The following AGAP1 variants were observed in gnomAD, a reference collection of about 807,000 sequenced individuals.
The protein encoded by AGAP1 is ArfGAP with GTPase domain, ankyrin repeat and PH domain 1, also known as arf-GAP with GTPase, ANK repeat and PH domain-containing protein 1.
Under a neutral mutation model 105.3 loss-of-function variants are expected in AGAP1, and 29 were observed. That is an observed-to-expected ratio of 0.28 (90% CI 0.21 to 0.38). The LOEUF (loss-of-function observed/expected upper bound fraction) is 0.38. Among genes scored for constraint, AGAP1 ranks in the 10% least tolerant of loss-of-function variants. The probability of loss-of-function intolerance (pLI) is 1.00; values close to 1 mark genes in which losing one functional copy is unlikely to be tolerated. For synonymous variants in AGAP1, 509 were observed against 485.9 expected (o/e 1.05, Z -0.63); for missense variants, 998 against 1,165.1 (o/e 0.86, Z 2.09).
At position 235,720,459 on chromosome 2, in the gene AGAP1, AC is replaced by A. The variant is rs1951324565; in HGVS notation, c.310+2816del. Among the ~76,000 whole-genome samples, 2 of 151,606 alleles carry A rather than the reference AC, an allele frequency of 1.3e-5. No homozygotes were observed. Among genetic ancestry groups the A allele is most frequent in the Non-Finnish European group, 2.9e-5 (2 of 67,906 alleles). ...TACTTACCCACACAAAGGTGAGGGC[AC>A]TCCCACAGTGGTGGGAGTGGTTGGC... On this transcript the variant is annotated intron_variant, in intron 3 of 17. Transcript: ENST00000304032. The surrounding 1 kb of genome is among the most constrained non-coding windows in gnomAD (Gnocchi z 5.0).
At chr2:235,835,609 GAGGAGGACA>G (rs776488349) in intron 9 of AGAP1, among the ~76,000 whole-genome samples, 34 of 152,262 alleles carry the variant, frequency 2.2e-4, no homozygotes, top group South Asian at 2.1e-4. Context: ...AAGCTTTTCC[GAGGAGGACA>G]AGGGGTTCAT....
At position 235,967,433 on chromosome 2, in the gene AGAP1, G is replaced by A. The variant is rs73118048; in HGVS notation, c.1484-1029G>A. On this transcript the variant is annotated intron_variant, in intron 12 of 17. Coordinates refer to ENST00000304032, the MANE Select transcript of AGAP1 (RefSeq NM_001037131.3). The surrounding 1 kb of genome is among the most constrained non-coding windows in gnomAD (Gnocchi z 4.7). ...TCTGATGGACTCCAGGTTCTGGCCC[G>A]GCTGCCATGTCACTGCCACTCCACT... 0.058 allele frequency among the ~76,000 whole-genome samples: 8,877 copies of A among 152,132 alleles called. 845 individuals are homozygous for A. The highest frequency in any genetic ancestry group is 0.2 in the African/African-American group (8,398 of 41,430).
chr2:236,131,382 A>G lies in AGAP1; in HGVS notation c.*7260A>G, dbSNP rs142248227. On this transcript the variant is annotated 3_prime_UTR_variant, in exon 18 of 18. Transcript: ENST00000304032. The surrounding 1 kb of genome is among the most constrained non-coding windows in gnomAD (Gnocchi z 5.9). ...TGACAACTGAGATGCATTTCTAGGC[A>G]GGGGCAGGGAAGGCCAACCCACCTT... The G allele has an allele frequency of 7.2e-5, 11 of 152,352 alleles. No individual in the cohort carries two copies. In the East Asian group the frequency reaches 2.1e-3, roughly 29 times the overall value. 9.4% of individuals were successfully genotyped at this position (152,352 alleles called of 1,614,324 possible).
At chr2:236,019,392 A>T (rs2056814010) in intron 13 of AGAP1, among the ~76,000 whole-genome samples, 1 of 152,160 alleles carries the variant, frequency 6.6e-6, no homozygotes, top group South Asian at 2.1e-4. Context: ...TGGAGAGCAG[A>T]ACTACATTTG....
Position 235,714,812 on chromosome 2 carries a change from G to C in AGAP1, c.223-2745G>C, listed in dbSNP as rs2149533993. Among the ~76,000 whole-genome samples the C allele has an allele frequency of 6.6e-6, 1 of 152,060 alleles. No homozygotes were observed. Among genetic ancestry groups the C allele is most frequent in the East Asian group, 1.9e-4 (1 of 5,158 alleles). On this transcript the variant is annotated intron_variant, in intron 2 of 17. Transcript: ENST00000304032. This position sits in a 1 kb window ranked among gnomAD's most constrained non-coding sequence, Gnocchi z 4.1. ...TCTTTTTTGTTGTTGTTTTTGTTTT[G>C]TTTTGAGACAGAGTCTCGCTCTGTC...
chr2:235,541,376 CTTTTTTTTTTTTTTT>C (rs556785424), intron 1 of AGAP1, among the ~76,000 whole-genome samples: 15 of 91,110 alleles, frequency 1.6e-4, no homozygotes, highest in East Asian at 6.3e-4. Flanking sequence ...CATTCTTATT[CTTTTTTTTTTTTTTT>C]TTTTTTTTTT....
intron 6 of AGAP1, among the ~76,000 whole-genome samples, chr2:235,770,075 TC>T (rs1955300744): frequency 6.6e-6 from 1 of 151,952 alleles, no homozygotes; most frequent in African/African-American, 2.4e-5. Flanking sequence ...TCACCTATAA[TC>T]CCACCTCCTA....
At chr2:235,836,006 A>G (rs936974975) in intron 9 of AGAP1, among the ~76,000 whole-genome samples, 2 of 152,236 alleles carry the variant, frequency 1.3e-5, no homozygotes, top group African/African-American at 4.8e-5. Context: ...CATTGTTTAC[A>G]GAACCTGTTC....
In AGAP1 at chr2:235,983,243, C is replaced by G. The variant is rs1457913732; in HGVS notation, c.1645+14620C>G. ...GTCTCTTTACAGGTGTGCAAAGGAC[C>G]AGCGCTGCTGCAGGGAACATGGCTG... On this transcript the variant is annotated intron_variant, in intron 13 of 17. Coordinates refer to ENST00000304032, the MANE Select transcript of AGAP1 (RefSeq NM_001037131.3). The surrounding 1 kb of genome is among the most constrained non-coding windows in gnomAD (Gnocchi z 4.5). Among the ~76,000 whole-genome samples the G allele has an allele frequency of 6.6e-6, 1 of 152,012 alleles. No homozygotes were observed. Among genetic ancestry groups the G allele is most frequent in the Non-Finnish European group, 1.5e-5 (1 of 67,998 alleles).
At chr2:236,100,570 A>G (rs933670487) in intron 16 of AGAP1, among the ~76,000 whole-genome samples, 46 of 152,280 alleles carry the variant, frequency 3.0e-4, no homozygotes, top group African/African-American at 1.0e-3. Context: ...CACACCTGCA[A>G]TCCCAGCACT....
chr2:235,878,229 G>C (rs546272960), intron 9 of AGAP1, among the ~76,000 whole-genome samples: 3 of 152,222 alleles, frequency 2.0e-5, no homozygotes, highest in East Asian at 3.9e-4. Context: ...CCGCGTGCAC[G>C]TGCAGCTGGC....
At position 236,109,598 on chromosome 2, in the gene AGAP1, T is replaced by C. The variant is rs1576326806; in HGVS notation, c.2115-10594T>C. Among the ~76,000 whole-genome samples the C allele has an allele frequency of 6.7e-6, 1 of 150,012 alleles. No individual in the cohort carries two copies. The highest frequency in any genetic ancestry group is 1.5e-5 in the Non-Finnish European group (1 of 67,390). On this transcript the variant is annotated intron_variant, in intron 16 of 17. Transcript: ENST00000304032. This position sits in a 1 kb window ranked among gnomAD's most constrained non-coding sequence, Gnocchi z 5.4. The stretch of plus-strand genomic sequence containing the variant: ...TGCTCTGGACCGGCAGCCATGGGAA[T>C]GTCCTAGTCGGCAGCAGTGTCGGTG...
chr2:235,898,787 A>G (rs2050928539), intron 10 of AGAP1, among the ~76,000 whole-genome samples: 1 of 152,180 alleles, frequency 6.6e-6, no homozygotes. Context: ...TGACTGAATG[A>G]CAGGCCCCCA....
chr2:235,546,440 T>C (rs1184421757), intron 1 of AGAP1, among the ~76,000 whole-genome samples: 3 of 152,116 alleles, frequency 2.0e-5, no homozygotes, highest in African/African-American at 7.2e-5. Context: ...GTTACACTCT[T>C]GGTGGTTCCT....
At chr2:235,564,299 T>C (rs1266561495) in intron 1 of AGAP1, among the ~76,000 whole-genome samples, 2 of 152,142 alleles carry the variant, frequency 1.3e-5, no homozygotes, top group South Asian at 2.1e-4. Flanking sequence ...AGTCAGACTC[T>C]CTGGGGATAC....
Position 236,091,472 on chromosome 2 carries a change from A to G in AGAP1, c.2115-28720A>G, listed in dbSNP as rs921625212. Among the ~76,000 whole-genome samples, 6 of 152,290 alleles carry G rather than the reference A, an allele frequency of 3.9e-5. No homozygotes were observed. In the South Asian group the frequency reaches 1.2e-3, roughly 32 times the overall value. On this transcript the variant is annotated intron_variant, in intron 16 of 17. Transcript: ENST00000304032. ...AGGTGCACTATTAGGCACTTATCCT[A>G]GAGAAAGAAAAACCTAGGCCGGGCG...
At chr2:236,054,557 T>C (rs183313145) in intron 16 of AGAP1, among the ~76,000 whole-genome samples, 2 of 149,180 alleles carry the variant, frequency 1.3e-5, no homozygotes, top group East Asian at 3.9e-4. Context: ...ATGACCAGAG[T>C]CCATCTGCAG....
rs143336502 is a variant in AGAP1, at chr2:235,909,026, G to A, written c.1324+120G>A. The A allele has an allele frequency of 5.9e-5, 60 of 1,014,976 alleles. No individual in the cohort carries two copies. The African/African-American group carries it at 8.8e-4, about 15-fold the overall frequency. 62.9% of individuals were successfully genotyped at this position (1,014,976 alleles called of 1,614,324 possible). On this transcript the variant is annotated intron_variant, in intron 11 of 17. Transcript: ENST00000304032. ...CAGTAACTATCACATTACAGATTAAGGTTTAGAAACCTGATCACTTCTGTG... is the reference window on the plus strand; with the variant it reads ...CAGTAACTATCACATTACAGATTAAAGTTTAGAAACCTGATCACTTCTGTG...
At chr2:236,085,249 T>C (rs2125849635) in intron 16 of AGAP1, among the ~76,000 whole-genome samples, 1 of 151,974 alleles carries the variant, frequency 6.6e-6, no homozygotes, top group Admixed American at 6.6e-5. Flanking sequence ...AATTTTTATT[T>C]ACCCAATTCT....
Sources: allele counts gnomAD v4.1 joint callset (sites outside exome capture counted in the v4.1 genomes callset), GRCh38; gene constraint gnomAD v4.1.1; non-coding constraint Gnocchi (gnomAD v3.1); transcripts MANE v1.5; gene names NCBI Gene and HGNC (gene_info 2026-07-23, HGNC 2026-07-21).